The following MAST4 variants were observed in gnomAD, a reference collection of about 807,000 sequenced individuals.
The protein encoded by MAST4 is microtubule-associated serine/threonine-protein kinase 4.
Under a neutral mutation model 162.7 loss-of-function variants are expected in MAST4, and 89 were observed. The observed-to-expected ratio is 0.55, with a 90% CI of 0.46 to 0.65. The LOEUF (loss-of-function observed/expected upper bound fraction) is 0.65, where lower values mean the gene tolerates loss of function less well. MAST4 is among the 30% of genes least tolerant of loss of function. The pLI, the probability that MAST4 is intolerant of heterozygous loss-of-function variation, is 0.00. For missense variants in MAST4, 3,153 were observed against 3,374.0 expected, an observed-to-expected ratio of 0.93 and a Z score of 1.62; for synonymous variants, 1,479 against 1,361.1, an observed-to-expected ratio of 1.09 and a Z score of -1.91.
intron 4 of MAST4, among the ~76,000 whole-genome samples, chr5:67,036,024 G>C (rs1755976472): frequency 6.6e-6 from 1 of 152,040 alleles, no homozygotes; most frequent in African/African-American, 2.4e-5. Flanking sequence ...GCCTGGGTTG[G>C]GACTTGCTTT....
chr5:67,058,352 T>C (rs1759118348), intron 5 of MAST4, among the ~76,000 whole-genome samples: 1 of 152,146 alleles, frequency 6.6e-6, no homozygotes, highest in African/African-American at 2.4e-5. Context: ...ACCATTTTGG[T>C]TAGTGGTTTT....
intron 4 of MAST4, among the ~76,000 whole-genome samples, chr5:66,976,775 T>G (rs1748192860): frequency 6.6e-6 from 1 of 152,214 alleles, no homozygotes; most frequent in African/African-American, 2.4e-5. Flanking sequence ...ATGACCTTTA[T>G]GAGACTTGTA....
intron 2 of MAST4, among the ~76,000 whole-genome samples, chr5:66,779,392 A>C (rs1254836152): frequency 2.6e-5 from 3 of 116,742 alleles, no homozygotes; most frequent in African/African-American, 6.8e-5. Flanking sequence ...AACACATAGC[A>C]CTTTTTTTTT....
intron 4 of MAST4, among the ~76,000 whole-genome samples, chr5:66,900,727 A>G (rs1054285307): frequency 6.6e-6 from 1 of 152,056 alleles, no homozygotes; most frequent in Non-Finnish European, 1.5e-5. Context: ...TTAAAAAAAA[A>G]TAGTATTTAA....
Position 66,893,447 on chromosome 5 carries a change from C to T in MAST4, c.643-6504C>T, listed in dbSNP as rs149000930. ...TTCACCGTTTTGGCCAGGCTGGTCT[C>T]GAACTCCTGACCTCAAGTGATCCAC... On this transcript the variant is annotated intron_variant, in intron 3 of 28. Transcript: ENST00000403625. 2.1e-3 allele frequency among the ~76,000 whole-genome samples: 316 copies of T among 151,684 alleles called. 2 individuals carry two copies. The highest frequency in any genetic ancestry group is 7.1e-3 in the African/African-American group (292 of 41,330).
At chr5:66,751,132 C>G (rs373148808) in intron 1 of MAST4, among the ~76,000 whole-genome samples, 24 of 151,174 alleles carry the variant, frequency 1.6e-4, no homozygotes, top group South Asian at 6.2e-4. Flanking sequence ...CATCCACACC[C>G]AAAACCCATC....
intron 1 of MAST4, among the ~76,000 whole-genome samples, chr5:66,724,875 A>G (rs1045379533): frequency 6.6e-6 from 1 of 152,012 alleles, no homozygotes; most frequent in Non-Finnish European, 1.5e-5. Flanking sequence ...AATGGTCAAT[A>G]ATTTTTACTT....
chr5:66,898,458 C>T (rs1762816647), intron 3 of MAST4, among the ~76,000 whole-genome samples: 1 of 150,114 alleles, frequency 6.7e-6, no homozygotes, highest in Admixed American at 6.7e-5. Context: ...GTTTCGGTTC[C>T]CAAGGAAAAC....
chr5:66,868,974 A>G (rs1415570397), intron 3 of MAST4, among the ~76,000 whole-genome samples: 1 of 152,222 alleles, frequency 6.6e-6, no homozygotes, highest in East Asian at 1.9e-4. Flanking sequence ...GAGTCAGAAG[A>G]AGAGCAATAA....
chr5:67,065,917 T>C (rs1274091857), intron 5 of MAST4, among the ~76,000 whole-genome samples: 1 of 152,190 alleles, frequency 6.6e-6, no homozygotes, highest in East Asian at 1.9e-4. Flanking sequence ...TGTCATGAAG[T>C]GTTCAGGTGT....
intron 4 of MAST4, among the ~76,000 whole-genome samples, chr5:66,941,786 G>T (rs189883956): frequency 2.6e-5 from 4 of 152,248 alleles, no homozygotes; most frequent in African/African-American, 9.6e-5. Flanking sequence ...AGAGATGTGT[G>T]TCTCTTCCAT....
chr5:66,916,431 G>C (rs1764124986), intron 4 of MAST4, among the ~76,000 whole-genome samples: 1 of 152,210 alleles, frequency 6.6e-6, no homozygotes, highest in Admixed American at 6.5e-5. Flanking sequence ...TACTGAAGAT[G>C]AATGTATAGA....
At chr5:66,769,114 G>A (rs1754245264) in intron 2 of MAST4, among the ~76,000 whole-genome samples, 1 of 152,228 alleles carries the variant, frequency 6.6e-6, no homozygotes, top group Admixed American at 6.5e-5. Flanking sequence ...TGAATTGAAA[G>A]TGAAGCCGGT....
intron 4 of MAST4, among the ~76,000 whole-genome samples, chr5:66,970,978 A>G (rs1420923431): frequency 2.6e-5 from 4 of 152,182 alleles, no homozygotes; most frequent in Non-Finnish European, 5.9e-5. Flanking sequence ...TTTGACCAAC[A>G]GATTATGCCC....
chr5:67,043,805 T>A (rs1440441834), intron 4 of MAST4, among the ~76,000 whole-genome samples: 1 of 152,180 alleles, frequency 6.6e-6, no homozygotes, highest in African/African-American at 2.4e-5. Flanking sequence ...ACCATTAATT[T>A]GTGTTTTGTG....
chr5:67,010,761 A>G (rs967699966), intron 4 of MAST4, among the ~76,000 whole-genome samples: 1 of 152,178 alleles, frequency 6.6e-6, no homozygotes, highest in Admixed American at 6.5e-5. Context: ...CCAGCACTCC[A>G]CAGAGAGTTG....
Position 67,008,103 on chromosome 5 carries a change from A to G in MAST4, c.675-46301A>G, listed in dbSNP as rs542350038. On this transcript the variant is annotated intron_variant, in intron 4 of 28. Coordinates refer to ENST00000403625, the MANE Select transcript of MAST4 (RefSeq NM_001164664.2). ...TGTTCCATTGGAAATAGTTCCTTCTATATAACTGGCTTTGTCCTCCTCTCC... is the reference window on the plus strand; with the variant it reads ...TGTTCCATTGGAAATAGTTCCTTCTGTATAACTGGCTTTGTCCTCCTCTCC... Among the ~76,000 whole-genome samples the G allele has an allele frequency of 3.1e-4, 47 of 152,310 alleles. No individual in the cohort carries two copies. The South Asian group carries it at 8.9e-3, about 29-fold the overall frequency.
intron 3 of MAST4, among the ~76,000 whole-genome samples, chr5:66,874,023 C>T (rs1020670900): frequency 1.3e-5 from 2 of 151,904 alleles, no homozygotes; most frequent in African/African-American, 4.8e-5. Context: ...TCTTAGAAAG[C>T]CTTTTGTACT....
intron 3 of MAST4, among the ~76,000 whole-genome samples, chr5:66,853,784 G>A (rs554648579): frequency 2.6e-5 from 4 of 152,162 alleles, no homozygotes; most frequent in Non-Finnish European, 5.9e-5. Context: ...TGTGGAAAAG[G>A]AAATCAGAAT....
Sources: allele counts gnomAD v4.1 joint callset (sites outside exome capture counted in the v4.1 genomes callset), GRCh38; gene constraint gnomAD v4.1.1; transcripts MANE v1.5; gene names NCBI Gene and HGNC (gene_info 2026-07-23, HGNC 2026-07-21).